SH3GL1: variants seen among roughly 807,000 people sequenced by gnomAD.
The protein encoded by SH3GL1 is SH3 domain containing GRB2 like 1, endophilin A2.
Under a neutral mutation model 48.8 loss-of-function variants are expected in SH3GL1, and 21 were observed. That is an observed-to-expected ratio of 0.43 (90% CI 0.30 to 0.62). The LOEUF is 0.62. Among genes scored for constraint, SH3GL1 ranks in the 20% least tolerant of loss-of-function variants. The probability of loss-of-function intolerance (pLI) is 0.11; values close to 1 mark genes in which losing one functional copy is unlikely to be tolerated. For missense variants in SH3GL1, 454 were observed against 503.0 expected (o/e 0.90, Z 0.93); for synonymous variants, 282 against 217.5 (o/e 1.30, Z -2.61).
In SH3GL1 at chr19:4,376,729, G is replaced by GCT. The variant is rs1973016279; in HGVS notation, c.46-9737_46-9736dup. 6.6e-6 allele frequency among the ~76,000 whole-genome samples: 1 copy of GCT among 152,030 alleles called. No individual in the cohort carries two copies. The highest frequency in any genetic ancestry group is 2.4e-5 in the African/African-American group (1 of 41,380). On this transcript the variant is annotated intron_variant, in intron 1 of 9. Coordinates refer to ENST00000269886, the MANE Select transcript of SH3GL1 (RefSeq NM_003025.4). This position sits in a 1 kb window ranked among gnomAD's most constrained non-coding sequence, Gnocchi z 4.3. ...CCCATGCTGGGTCTTAGCCACCAGG[G>GCT]CTCTGTCCATCCAAATGTCCCCATG...
At chr19:4,394,986 C>A (rs567388458) in intron 1 of SH3GL1, among the ~76,000 whole-genome samples, 1 of 152,386 alleles carries the variant, frequency 6.6e-6, no homozygotes, top group Admixed American at 6.5e-5. Flanking sequence ...AAGGGGTCTG[C>A]GCCATCCCCG....
At position 4,400,256 on chromosome 19, in the gene SH3GL1, C is replaced by T. The variant is rs1568424778; in HGVS notation, c.45+68G>A. 2 of 1,534,204 alleles carry T rather than the reference C, an allele frequency of 1.3e-6. No individual in the cohort carries two copies. Among genetic ancestry groups the T allele is most frequent in the Non-Finnish European group, 1.8e-6 (2 of 1,134,776 alleles). On this transcript the variant is annotated intron_variant, in intron 1 of 9. Coordinates refer to ENST00000269886, the MANE Select transcript of SH3GL1 (RefSeq NM_003025.4). This position sits in a 1 kb window ranked among gnomAD's most constrained non-coding sequence, Gnocchi z 4.1. ...CCCCCGGCCCCCTCCCGGGCCAGGT[C>T]GGGCCTGGCTCCCTCATCCGGGCAG...
intron 1 of SH3GL1, among the ~76,000 whole-genome samples, chr19:4,381,754 G>A (rs1381520270): frequency 2.3e-5 from 3 of 132,952 alleles, no homozygotes; most frequent in Non-Finnish European, 3.1e-5. Flanking sequence ...GTGCAGTGGC[G>A]CGATCTTGGC....
chr19:4,365,351 G>C lies in SH3GL1; in HGVS notation c.331+131C>G, dbSNP rs1409068507. On this transcript the variant is annotated intron_variant, in intron 4 of 9. Coordinates refer to ENST00000269886, the MANE Select transcript of SH3GL1 (RefSeq NM_003025.4). ...GGTCTGTGCAGTCTCCTGCACCTCT[G>C]CAGCTGGAAAGCTGTGGGGGCCACT... 3.2e-6 allele frequency: 4 copies of C among 1,257,302 alleles called. No individual in the cohort carries two copies. In the Admixed American group the frequency reaches 6.9e-5, roughly 22 times the overall value. The allele number at this position is 1,257,302 out of a possible 1,614,324, so 77.9% of individuals were successfully genotyped here.
In SH3GL1 at chr19:4,363,794, G is replaced by A. The variant is rs768457754; in HGVS notation, c.550C>T (p.Arg184Cys). 8.7e-6 allele frequency: 14 copies of A among 1,613,784 alleles called. No homozygotes were observed. Among genetic ancestry groups the A allele is most frequent in the East Asian group, 2.2e-5 (1 of 44,886 alleles). Residue 184 changes from arginine (R) to cysteine (C), a missense_variant, in exon 6 of 10, where the codon CGC (arginine) becomes TGC (cysteine). By Grantham distance (180) the Arg-to-Cys change is radical. Transcript: ENST00000269886. ...TCCTCGAACTTCTCCAGCGCCTGGC[G>A]TAGCTCCTCATCGGGGATCTTGCCC... Reference protein sequence around the residue: ...RQGKIPDEELRQALEKFEESK... With the variant: ...RQGKIPDEELCQALEKFEESK...
In SH3GL1 at chr19:4,389,720, C is replaced by T. The variant is rs1472023557; in HGVS notation, c.45+10604G>A. Among the ~76,000 whole-genome samples the T allele has an allele frequency of 1.3e-5, 2 of 152,180 alleles. No individual in the cohort carries two copies. Among genetic ancestry groups the T allele is most frequent in the African/African-American group, 2.4e-5 (1 of 41,436 alleles). ...ATCCGTCCTTCCATGTGATATTTAC[C>T]GGCTCCCTGGGGCAGGCCAGCCAGT... On this transcript the variant is annotated intron_variant, in intron 1 of 9. Coordinates refer to ENST00000269886, the MANE Select transcript of SH3GL1 (RefSeq NM_003025.4). The surrounding 1 kb of genome is among the most constrained non-coding windows in gnomAD (Gnocchi z 4.5).
At chr19:4,380,354 CAG>C (rs1301310672) in intron 1 of SH3GL1, 1 of 152,548 alleles carries the variant, frequency 6.6e-6, no homozygotes, top group Non-Finnish European at 1.5e-5. Context: ...CTATGACAGA[CAG>C]GACGCCAGCG....
chr19:4,389,487 G>T lies in SH3GL1; in HGVS notation c.45+10837C>A, dbSNP rs900259428. Among the ~76,000 whole-genome samples the T allele has an allele frequency of 1.3e-5, 2 of 152,120 alleles. No homozygotes were observed. The highest frequency in any genetic ancestry group is 4.8e-5 in the African/African-American group (2 of 41,432). ...TACAGGGCCCCACACAGGGTGGGCGGGAGGGACTGACTGTGTGAGTTCCCA... is the reference window on the plus strand; with the variant it reads ...TACAGGGCCCCACACAGGGTGGGCGTGAGGGACTGACTGTGTGAGTTCCCA... On this transcript the variant is annotated intron_variant, in intron 1 of 9. Coordinates refer to ENST00000269886, the MANE Select transcript of SH3GL1 (RefSeq NM_003025.4). The surrounding 1 kb of genome is among the most constrained non-coding windows in gnomAD (Gnocchi z 4.5).
At chr19:4,362,247 A>C (rs1972637807) in intron 9 of SH3GL1, 82 bp downstream of exon 9, 2 of 1,388,996 alleles carry the variant, frequency 1.4e-6, no homozygotes, top group African/African-American at 2.9e-5. Flanking sequence ...AGATGGGCAG[A>C]GAACAGGGCG....
intron 1 of SH3GL1, among the ~76,000 whole-genome samples, chr19:4,373,373 C>G (rs78996208): frequency 3.3e-5 from 5 of 152,246 alleles, no homozygotes; most frequent in Admixed American, 3.3e-4. Flanking sequence ...GGATTTGCCA[C>G]TGTCCTTCGA....
chr19:4,364,769 G>A (rs1972726341), intron 4 of SH3GL1: 1 of 161,702 alleles, frequency 6.2e-6, no homozygotes, highest in Admixed American at 6.0e-5. Context: ...CATAGTCTCG[G>A]CTCACTGCAA....
intron 4 of SH3GL1, chr19:4,364,641 C>T (rs1425652545): frequency 5.4e-6 from 1 of 185,030 alleles, no homozygotes; most frequent in Non-Finnish European, 1.1e-5. Flanking sequence ...ATATAGACCA[C>T]ACCGGTCTCG....
At chr19:4,386,315 G>A (rs1401016877) in intron 1 of SH3GL1, among the ~76,000 whole-genome samples, 1 of 152,128 alleles carries the variant, frequency 6.6e-6, no homozygotes, top group Non-Finnish European at 1.5e-5. Flanking sequence ...TTCCGCAGGG[G>A]GCTTCCTGAG....
rs201395338 is a variant in SH3GL1, at chr19:4,400,345, C to T, written c.24G>A (p.Lys8=). The T allele has an allele frequency of 1.6e-4, 262 of 1,595,574 alleles. No individual in the cohort carries two copies. The African/African-American group carries it at 3.1e-3, about 19-fold the overall frequency. ...TCACCTGGCTCGCCTTGTAGAACTG[C>T]TTCTTCAGCCCCGCCACCGACATGC... is the stretch of plus-strand genomic sequence containing the variant. MSVAGLK[K]QFYKASQLVS... Residue 8 remains lysine, a synonymous_variant, in exon 1 of 10, where the codon AAG becomes AAA. Coordinates refer to ENST00000269886, the MANE Select transcript of SH3GL1 (RefSeq NM_003025.4). This position sits in a 1 kb window ranked among gnomAD's most constrained non-coding sequence, Gnocchi z 4.1.
intron 1 of SH3GL1, among the ~76,000 whole-genome samples, chr19:4,374,216 C>G (rs944640986): frequency 3.3e-5 from 5 of 152,232 alleles, no homozygotes; most frequent in African/African-American, 1.2e-4. Context: ...GAGAGGGAAT[C>G]AGCCACTGGA....
At chr19:4,362,128 TG>T (rs1972634385) in intron 9 of SH3GL1, among the ~76,000 whole-genome samples, 200 bp downstream of exon 9, 1 of 152,204 alleles carries the variant, frequency 6.6e-6, no homozygotes, top group Non-Finnish European at 1.5e-5. Flanking sequence ...CTAGTGCCCT[TG>T]GCAATCCCTC....
chr19:4,375,780 A>C (rs556263651), intron 1 of SH3GL1, among the ~76,000 whole-genome samples: 1 of 152,362 alleles, frequency 6.6e-6, no homozygotes, highest in Admixed American at 6.5e-5. Context: ...AAAAGGAAAA[A>C]GCCAACCCAC....
At chr19:4,362,541 G>T in intron 8 of SH3GL1, 71 bp downstream of exon 8, 1 of 1,605,270 alleles carries the variant, frequency 6.2e-7, no homozygotes, top group Non-Finnish European at 8.5e-7. Context: ...AGAGACCCAG[G>T]ACAGGGCCAG....
chr19:4,362,588 C>A (rs1231522889), intron 8 of SH3GL1, 24 bp downstream of exon 8: 2 of 1,612,834 alleles, frequency 1.2e-6, no homozygotes, highest in East Asian at 2.2e-5. Context: ...TTTGCCTCCG[C>A]AAGAGGGCTC....
Sources: gnomAD v4.1 joint callset for allele counts (sites outside exome capture counted in the v4.1 genomes callset) on GRCh38, gnomAD v4.1.1 for gene constraint, Gnocchi (gnomAD v3.1) non-coding constraint, MANE v1.5 for transcripts, NCBI Gene and HGNC (gene_info 2026-07-23, HGNC 2026-07-21) for gene names.